The following METTL25 variants were observed in gnomAD, a reference collection of about 807,000 sequenced individuals.
METTL25 encodes the protein methyltransferase like 25.
METTL25 carries 64 observed loss-of-function variants against 71.6 expected under a neutral mutation model. The observed-to-expected ratio is 0.89, with a 90% confidence interval of 0.73 to 1.10. The LOEUF (loss-of-function observed/expected upper bound fraction) is 1.10. Ranked by LOEUF, METTL25 falls within the 50% of genes least tolerant of loss-of-function variation. The probability of loss-of-function intolerance (pLI) is 0.00; values close to 1 mark genes in which losing one functional copy is unlikely to be tolerated. For synonymous variants in METTL25, 287 were observed against 250.3 expected, an observed-to-expected ratio of 1.15 and a Z score of -1.38; for missense variants, 807 against 707.0, an observed-to-expected ratio of 1.14 and a Z score of -1.60.
intron 5 of METTL25, among the ~76,000 whole-genome samples, chr12:82,416,665 C>T (rs1311403166): frequency 1.3e-5 from 2 of 151,840 alleles, no homozygotes; most frequent in African/African-American, 4.8e-5. Context: ...GACAGGGTTT[C>T]ACTATGTTGC....
chr12:82,400,368 A>G (rs1162439998), intron 4 of METTL25, among the ~76,000 whole-genome samples: 1 of 151,890 alleles, frequency 6.6e-6, no homozygotes, highest in Non-Finnish European at 1.5e-5. Context: ...GAAATGTATA[A>G]ATAAAAGAGA....
chr12:82,470,734 A>G (rs937369708), intron 9 of METTL25, among the ~76,000 whole-genome samples: 13 of 152,224 alleles, frequency 8.5e-5, no homozygotes, highest in Admixed American at 6.5e-4. Flanking sequence ...AAATTGTTTC[A>G]GAAAGTTGAA....
At chr12:82,457,709 T>C (rs113936953) in intron 9 of METTL25, among the ~76,000 whole-genome samples, 3 of 152,022 alleles carry the variant, frequency 2.0e-5, no homozygotes, top group African/African-American at 7.2e-5. Flanking sequence ...AACTATATGA[T>C]ACTCCTTTTA....
At chr12:82,424,728 G>C (rs550359224) in intron 5 of METTL25, among the ~76,000 whole-genome samples, 2 of 152,048 alleles carry the variant, frequency 1.3e-5, no homozygotes, top group Non-Finnish European at 2.9e-5. Flanking sequence ...AATTTAATTA[G>C]TTAAGATGGA....
chr12:82,459,470 A>G (rs1038079449), intron 9 of METTL25, among the ~76,000 whole-genome samples: 3 of 152,076 alleles, frequency 2.0e-5, no homozygotes, highest in Admixed American at 1.3e-4. Context: ...TCAGCAAAAA[A>G]TTCAGAAATT....
intron 1 of METTL25, among the ~76,000 whole-genome samples, chr12:82,366,728 A>G (rs1196958346): frequency 6.6e-6 from 1 of 152,222 alleles, no homozygotes; most frequent in Admixed American, 6.5e-5. Flanking sequence ...TTGGAAACAG[A>G]CAGTGAGAGC....
intron 1 of METTL25, among the ~76,000 whole-genome samples, chr12:82,376,092 TTAAG>T (rs1480290700): frequency 1.3e-5 from 2 of 152,252 alleles, no homozygotes; most frequent in Non-Finnish European, 1.5e-5. Context: ...TTTTTCTAGA[TTAAG>T]TAATATGTGA....
At chr12:82,406,528 T>C (rs1481028761) in intron 5 of METTL25, among the ~76,000 whole-genome samples, 1 of 152,086 alleles carries the variant, frequency 6.6e-6, no homozygotes, top group Non-Finnish European at 1.5e-5. Context: ...TTTTGCAAGG[T>C]GTTTAATATA....
At position 82,456,714 on chromosome 12, in the gene METTL25, T is replaced by C; in HGVS notation, c.1479-13T>C. Reference sequence around the variant, plus strand: ...TTGGAAAAACTAAAAATTTATTCAATTTTGTTTTACAGTGATCGGCATGTT... The same window carrying C: ...TTGGAAAAACTAAAAATTTATTCAACTTTGTTTTACAGTGATCGGCATGTT... On this transcript the variant is annotated splice_polypyrimidine_tract_variant and intron_variant, in intron 8 of 11. Transcript: ENST00000248306. The C allele has an allele frequency of 6.6e-7, 1 of 1,506,972 alleles. No homozygotes were observed. Among genetic ancestry groups the C allele is most frequent in the Non-Finnish European group, 9.0e-7 (1 of 1,108,782 alleles). The allele number at this position is 1,506,972 out of a possible 1,614,324, so 93.4% of individuals were successfully genotyped here. A position where few individuals can be genotyped will look rare whatever the true frequency, so the allele number is the denominator to read the frequency against.
chr12:82,367,731 C>G (rs990076620), intron 1 of METTL25, among the ~76,000 whole-genome samples: 1 of 152,154 alleles, frequency 6.6e-6, no homozygotes, highest in African/African-American at 2.4e-5. Context: ...CTGCTCAAAA[C>G]CCATCAGTAG....
intron 9 of METTL25, among the ~76,000 whole-genome samples, chr12:82,472,592 C>T (rs780288964): frequency 8.6e-5 from 13 of 151,916 alleles, no homozygotes; most frequent in Non-Finnish European, 1.9e-4. Context: ...AGTGAGACTC[C>T]GTCTCGAAAA....
At chr12:82,408,287 G>A (rs563855525) in intron 5 of METTL25, among the ~76,000 whole-genome samples, 61 of 152,118 alleles carry the variant, frequency 4.0e-4, no homozygotes, top group African/African-American at 1.4e-3. Context: ...GCCAGTTTGC[G>A]GATTCATATG....
chr12:82,364,471 A>G (rs1882334770), intron 1 of METTL25, among the ~76,000 whole-genome samples: 1 of 152,230 alleles, frequency 6.6e-6, no homozygotes, highest in African/African-American at 2.4e-5. Context: ...TGGCATGGTC[A>G]CAAACCTTGT....
intron 1 of METTL25, among the ~76,000 whole-genome samples, chr12:82,380,164 CTA>C (rs1266320574): frequency 1.3e-5 from 2 of 152,154 alleles, no homozygotes; most frequent in African/African-American, 4.8e-5. Flanking sequence ...TTGTTCCCCT[CTA>C]TGTTTCCATG....
chr12:82,358,888 A>G, intron 1 of METTL25, 64 bp downstream of exon 1: 1 of 1,535,474 alleles, frequency 6.5e-7, no homozygotes, highest in Non-Finnish European at 8.8e-7. Flanking sequence ...AGACGAAGCG[A>G]GCCCCCTGGT....
At chr12:82,369,985 C>T (rs1008692329) in intron 1 of METTL25, among the ~76,000 whole-genome samples, 2 of 152,178 alleles carry the variant, frequency 1.3e-5, no homozygotes, top group Admixed American at 6.5e-5. Flanking sequence ...AATCCTCTAG[C>T]TAGACAGAAA....
intron 1 of METTL25, among the ~76,000 whole-genome samples, chr12:82,370,463 G>A (rs1465214926): frequency 1.3e-5 from 2 of 152,082 alleles, no homozygotes; most frequent in Non-Finnish European, 2.9e-5. Context: ...GTAAATGCTG[G>A]GTGGCACCTC....
chr12:82,444,689 T>TGCCTATCTCTTA (rs1890615875), intron 8 of METTL25, among the ~76,000 whole-genome samples: 1 of 152,130 alleles, frequency 6.6e-6, no homozygotes, highest in Non-Finnish European at 1.5e-5. Flanking sequence ...AGCTTTTTTA[T>TGCCTATCTCTTA]AGTAACAAAA....
intron 2 of METTL25, 40 bp downstream of exon 2, chr12:82,387,007 A>T: frequency 6.7e-7 from 1 of 1,501,270 alleles, no homozygotes. Flanking sequence ...CTTTTTAGGT[A>T]CTTAGAAGCA....
Sources: gnomAD v4.1 joint callset for allele counts (sites outside exome capture counted in the v4.1 genomes callset) on GRCh38, gnomAD v4.1.1 for gene constraint, MANE v1.5 for transcripts, NCBI Gene and HGNC (gene_info 2026-07-23, HGNC 2026-07-21) for gene names.